CAP1: variants seen among roughly 807,000 people sequenced by gnomAD.
CAP1 encodes adenylyl cyclase-associated protein 1.
A neutral mutation model predicts 58.2 loss-of-function variants in CAP1; 11 were observed. The ratio of observed to expected loss-of-function variants is 0.19; its 90% confidence interval spans 0.12 to 0.31. The LOEUF is 0.31. CAP1 is among the 10% of genes least tolerant of loss of function. CAP1 has a pLI of 1.00. For missense variants in CAP1, 423 were observed against 587.5 expected (o/e 0.72, Z 2.89); for synonymous variants, 183 against 213.8 (o/e 0.86, Z 1.26).
intron 12 of CAP1, 36 bp downstream of exon 12, chr1:40,071,015 A>AG: frequency 6.4e-7 from 1 of 1,565,000 alleles, no homozygotes. Flanking sequence ...GATGTTAAAA[A>AG]CAGAAGGGAC....
chr1:40,041,919 A>G (rs1645851662), intron 1 of CAP1, among the ~76,000 whole-genome samples: 2 of 152,226 alleles, frequency 1.3e-5, no homozygotes, highest in South Asian at 4.1e-4. Context: ...TGGAATGAGA[A>G]CATTTGAGAC....
chr1:40,041,895 A>G (rs1443093057), intron 1 of CAP1, among the ~76,000 whole-genome samples: 1 of 152,234 alleles, frequency 6.6e-6, no homozygotes, highest in Admixed American at 6.5e-5. Flanking sequence ...ATAAATAGGA[A>G]TGCGTTCGAA....
chr1:40,071,372 T>A (rs1470937065), intron 12 of CAP1, 78 bp from the exon 13 acceptor site: 1 of 1,009,070 alleles, frequency 9.9e-7, no homozygotes, highest in African/African-American at 1.6e-5. Flanking sequence ...GAAGCAAGCA[T>A]TGGGAGAAAT....
chr1:40,060,524 G>C (rs1218547102), intron 3 of CAP1, among the ~76,000 whole-genome samples: 1 of 152,060 alleles, frequency 6.6e-6, no homozygotes, highest in Non-Finnish European at 1.5e-5. Context: ...TCATGACTTA[G>C]CATTTATAAA....
At chr1:40,051,334 G>T (rs1646355086) in intron 1 of CAP1, among the ~76,000 whole-genome samples, 1 of 152,090 alleles carries the variant, frequency 6.6e-6, no homozygotes, top group East Asian at 1.9e-4. Flanking sequence ...AGGACTGTTT[G>T]AGCCCAGGAG....
chr1:40,042,566 G>A (rs1645887332), intron 1 of CAP1, among the ~76,000 whole-genome samples: 2 of 152,222 alleles, frequency 1.3e-5, no homozygotes, highest in South Asian at 4.1e-4. Context: ...GAAGTGAGAT[G>A]TGGTCAGGTC....
intron 1 of CAP1, among the ~76,000 whole-genome samples, chr1:40,044,024 A>G (rs1645966926): frequency 1.3e-5 from 2 of 152,232 alleles, no homozygotes; most frequent in South Asian, 4.1e-4. Context: ...GCAAACCAAA[A>G]GTGGTGATAT....
At chr1:40,064,768 G>T (rs1647003122) in intron 6 of CAP1, among the ~76,000 whole-genome samples, 1 of 152,018 alleles carries the variant, frequency 6.6e-6, no homozygotes, top group African/African-American at 2.4e-5. Flanking sequence ...GTAGAGATGA[G>T]GTCTCACTGT....
intron 1 of CAP1, among the ~76,000 whole-genome samples, chr1:40,056,455 C>A (rs1646622281): frequency 6.6e-6 from 1 of 151,994 alleles, no homozygotes; most frequent in African/African-American, 2.4e-5. Context: ...ACCATCATGC[C>A]CGGCTAATTT....
At chr1:40,047,163 C>G (rs1646146371) in intron 1 of CAP1, among the ~76,000 whole-genome samples, 1 of 131,306 alleles carries the variant, frequency 7.6e-6, no homozygotes, top group Non-Finnish European at 1.6e-5. Context: ...TCTTATGGGA[C>G]CACTGTTGAT....
intron 1 of CAP1, among the ~76,000 whole-genome samples, chr1:40,049,362 C>T (rs182337740): frequency 7.3e-5 from 11 of 151,564 alleles, no homozygotes; most frequent in African/African-American, 2.7e-4. Flanking sequence ...AGGCATGCAC[C>T]ACCATGCCTG....
intron 11 of CAP1, 98 bp downstream of exon 11, chr1:40,070,610 T>C (rs1328198545): frequency 3.6e-6 from 4 of 1,111,250 alleles, no homozygotes; most frequent in Non-Finnish European, 5.5e-6. Flanking sequence ...AATCTGATTC[T>C]ACAAAGTCTG....
rs1297556692 is a variant in CAP1, at chr1:40,064,270, A to G, written c.338A>G (p.Lys113Arg). Residue 113 changes from lysine (K) to arginine (R), a missense_variant, in exon 5 of 13, where the codon AAA becomes AGA. Lys to Arg is a conservative substitution (Grantham distance 26). Transcript: ENST00000372805. ...TTGGCACCCATCTCAGAGCAGATCA[A>G]AGAAGTGATAACCTTTCGGGAGAAG... is the stretch of plus-strand genomic sequence containing the variant. ...DLLAPISEQI[K>R]EVITFREKNR... is the part of the protein sequence containing the mutation. The G allele has an allele frequency of 2.5e-6, 4 of 1,614,194 alleles. No homozygotes were observed. The highest frequency in any genetic ancestry group is 3.4e-6 in the Non-Finnish European group (4 of 1,180,014).
intron 1 of CAP1, among the ~76,000 whole-genome samples, chr1:40,051,638 C>T (rs551887292): frequency 6.6e-6 from 1 of 152,220 alleles, no homozygotes; most frequent in South Asian, 2.1e-4. Flanking sequence ...TGCAGTGGCG[C>T]GATCTTGGCT....
rs766517647 is a variant in CAP1 at position 40,066,206 on chromosome 1, TCCTC to T, written c.525-6_525-3del. The T allele has an allele frequency of 1.6e-5, 24 of 1,497,212 alleles. No homozygotes were observed. In the Middle Eastern group the frequency reaches 7.0e-4, roughly 43 times the overall value. 92.7% of individuals were successfully genotyped at this position (1,497,212 alleles called of 1,614,324 possible). On this transcript the variant is annotated splice_polypyrimidine_tract_variant and splice_region_variant and intron_variant, in intron 6 of 12. Coordinates refer to ENST00000372805, the MANE Select transcript of CAP1 (RefSeq NM_006367.4). The stretch of plus-strand genomic sequence containing the variant: ...TCACCTGTGACAAGTTCTTCTTTAA[TCCTC>T]CCAGGGATAAGAAGCATGTAGACTG...
chr1:40,071,022 G>A (rs1406414182), intron 12 of CAP1, 43 bp downstream of exon 12: 1 of 1,546,618 alleles, frequency 6.5e-7, no homozygotes, highest in South Asian at 1.2e-5. Flanking sequence ...AAAACAGAAG[G>A]GACTGAAGAT....
intron 2 of CAP1, among the ~76,000 whole-genome samples, 172 bp downstream of exon 2, chr1:40,059,630 C>A (rs561850622): frequency 3.0e-4 from 45 of 152,068 alleles, no homozygotes; most frequent in Non-Finnish European, 6.2e-4. Flanking sequence ...ACAGGGAGGC[C>A]TGTGGTTAAG....
At chr1:40,048,439 T>A (rs919386132) in intron 1 of CAP1, among the ~76,000 whole-genome samples, 1 of 152,248 alleles carries the variant, frequency 6.6e-6, no homozygotes, top group African/African-American at 2.4e-5. Context: ...AGCCAACTTG[T>A]ATCTTCTGGT....
chr1:40,060,008 G>A lies in CAP1; in HGVS notation c.113-59G>A, dbSNP rs180873268. 365 of 1,412,848 alleles carry A rather than the reference G, an allele frequency of 2.6e-4. 1 individual carries two copies. The highest frequency in any genetic ancestry group is 3.3e-4 in the Non-Finnish European group (332 of 1,001,404). The allele number at this position is 1,412,848 out of a possible 1,614,324, so 87.5% of individuals were successfully genotyped here. On this transcript the variant is annotated intron_variant, in intron 2 of 12. Transcript: ENST00000372805. ...CCTCCCCACTTTCATGTAGAAGCACGTTTTAAAGAAGCCTCCTTCTGATGC... is the reference window on the plus strand; with the variant it reads ...CCTCCCCACTTTCATGTAGAAGCACATTTTAAAGAAGCCTCCTTCTGATGC...
Sources: gnomAD v4.1 joint callset for allele counts (sites outside exome capture counted in the v4.1 genomes callset) on GRCh38, gnomAD v4.1.1 for gene constraint, MANE v1.5 for transcripts, NCBI Gene and HGNC (gene_info 2026-07-23, HGNC 2026-07-21) for gene names.